Variants in NAALAD2 observed in about 807,000 individuals in gnomAD.
NAALAD2 encodes the protein N-acetylated-alpha-linked acidic dipeptidase 2.
Under a neutral mutation model 95.6 loss-of-function variants are expected in NAALAD2, and 89 were observed. The observed-to-expected ratio is 0.93, with a 90% CI of 0.78 to 1.11. The LOEUF (loss-of-function observed/expected upper bound fraction) is 1.11. Ranked by LOEUF, NAALAD2 falls within the 50% of genes least tolerant of loss-of-function variation. NAALAD2 has a pLI of 0.00. For missense variants in NAALAD2, 894 were observed against 872.4 expected (o/e 1.02, Z -0.31); for synonymous variants, 264 against 294.4 (o/e 0.90, Z 1.06).
At chr11:90,144,406 C>T (rs1213853587) in intron 2 of NAALAD2, among the ~76,000 whole-genome samples, 1 of 152,048 alleles carries the variant, frequency 6.6e-6, no homozygotes, top group Non-Finnish European at 1.5e-5. Flanking sequence ...GAAAATAAAA[C>T]AGCCGGCATG....
chr11:90,160,087 A>G lies in NAALAD2; in HGVS notation c.989+750A>G, dbSNP rs1038990072. Among the ~76,000 whole-genome samples the G allele has an allele frequency of 3.3e-5, 5 of 152,162 alleles. No homozygotes were observed. In the East Asian group the frequency reaches 9.6e-4, roughly 29 times the overall value. On this transcript the variant is annotated intron_variant, in intron 8 of 18. Transcript: ENST00000534061. ...TAAATGGGTAAATCACATAGTTACT[A>G]TAAGACTATAAGCCTCAATAGAATT...
intron 16 of NAALAD2, among the ~76,000 whole-genome samples, chr11:90,179,512 G>A (rs1952901218): frequency 6.6e-6 from 1 of 151,806 alleles, no homozygotes; most frequent in Non-Finnish European, 1.5e-5. Context: ...TACAGGATTA[G>A]TAATAATAGC....
chr11:90,189,190 G>T (rs1409814694), intron 18 of NAALAD2, among the ~76,000 whole-genome samples: 1 of 152,100 alleles, frequency 6.6e-6, no homozygotes, highest in Admixed American at 6.6e-5. Context: ...GCCTCTAGAA[G>T]CTAGAAAAGC....
intron 16 of NAALAD2, among the ~76,000 whole-genome samples, chr11:90,178,670 C>T (rs1024866954): frequency 8.8e-6 from 1 of 113,874 alleles, no homozygotes; most frequent in Non-Finnish European, 1.9e-5. Context: ...GGCTCCTTCT[C>T]AAAAAAAAAA....
At chr11:90,184,560 GTGT>G (rs1470450756) in intron 18 of NAALAD2, among the ~76,000 whole-genome samples, 20 of 152,032 alleles carry the variant, frequency 1.3e-4, no homozygotes, top group Admixed American at 2.6e-4. Flanking sequence ...GTCCTCTCAG[GTGT>G]TGTTATTAGT....
At chr11:90,142,385 C>T (rs2134836462) in intron 2 of NAALAD2, among the ~76,000 whole-genome samples, 1 of 152,158 alleles carries the variant, frequency 6.6e-6, no homozygotes, top group East Asian at 1.9e-4. Flanking sequence ...AACAGAATGA[C>T]CTTTTATTTT....
At chr11:90,135,024 T>A (rs1457328975) in intron 1 of NAALAD2, 184 bp downstream of exon 1, 3 of 603,744 alleles carry the variant, frequency 5.0e-6, no homozygotes, top group East Asian at 2.8e-5. Flanking sequence ...TTGGGCTTGC[T>A]AATAGATAAA....
intron 6 of NAALAD2, among the ~76,000 whole-genome samples, chr11:90,154,021 C>T (rs905577789): frequency 3.9e-5 from 5 of 126,994 alleles, no homozygotes; most frequent in Non-Finnish European, 8.2e-5. Flanking sequence ...AATCTACATG[C>T]CCTTCCTTCC....
intron 8 of NAALAD2, 65 bp from the exon 9 acceptor site, chr11:90,162,884 A>C: frequency 1.1e-6 from 1 of 920,488 alleles, no homozygotes; most frequent in Non-Finnish European, 1.7e-6. Flanking sequence ...ATAGTTTTTT[A>C]TAATAAAACA....
intron 2 of NAALAD2, among the ~76,000 whole-genome samples, chr11:90,142,285 A>G (rs1382019914): frequency 1.3e-5 from 2 of 152,056 alleles, no homozygotes; most frequent in East Asian, 3.9e-4. Context: ...GAAATTGTCT[A>G]TTTGTCCCAT....
At chr11:90,175,222 T>C (rs779825495) in intron 14 of NAALAD2, among the ~76,000 whole-genome samples, 1 of 152,174 alleles carries the variant, frequency 6.6e-6, no homozygotes, top group African/African-American at 2.4e-5. Context: ...TGTGGGTCCA[T>C]TATAAAACTT....
intron 2 of NAALAD2, among the ~76,000 whole-genome samples, chr11:90,140,530 C>T (rs1489858129): frequency 6.6e-6 from 1 of 150,944 alleles, no homozygotes; most frequent in Non-Finnish European, 1.5e-5. Flanking sequence ...AAAAATTTTC[C>T]AATATATTTA....
chr11:90,132,653 T>C (rs1427278066), upstream of NAALAD2, among the ~76,000 whole-genome samples: 2 of 152,216 alleles, frequency 1.3e-5, no homozygotes, highest in Admixed American at 1.3e-4. Context: ...ATGTCACACA[T>C]AAAAATAATT....
At chr11:90,147,150 C>A (rs1240751993) in intron 2 of NAALAD2, among the ~76,000 whole-genome samples, 180 bp from the exon 3 acceptor site, 2 of 152,104 alleles carry the variant, frequency 1.3e-5, no homozygotes, top group Non-Finnish European at 2.9e-5. Flanking sequence ...TGCAGTTGTA[C>A]ACAAATAACT....
intron 6 of NAALAD2, 121 bp from the exon 7 acceptor site, chr11:90,158,024 C>A (rs1952174638): frequency 2.6e-6 from 2 of 765,574 alleles, no homozygotes; most frequent in South Asian, 1.6e-5. Flanking sequence ...TGGCCAGGAA[C>A]TTTTAATTTT....
At chr11:90,137,022 C>T (rs1034452457) in intron 2 of NAALAD2, among the ~76,000 whole-genome samples, 1 of 152,024 alleles carries the variant, frequency 6.6e-6, no homozygotes, top group Non-Finnish European at 1.5e-5. Context: ...GATTATTACT[C>T]AGCATAAAAA....
In NAALAD2 at chr11:90,163,005, T is replaced by C. The variant is rs1490951132; in HGVS notation, c.1046T>C (p.Val349Ala). The change falls in exon 9 of 19, where the codon GTT (valine) becomes GCT (alanine). Residue 349 changes from valine to alanine, a missense_variant. Physicochemically the swap from Val to Ala is moderately conservative, Grantham distance 64 (BLOSUM62 0). Coordinates refer to ENST00000534061, the MANE Select transcript of NAALAD2 (RefSeq NM_005467.4). ...INKITRIYNVVGTIRGSVEPD... is the reference protein window; with the variant it reads ...INKITRIYNVAGTIRGSVEPD... Reference sequence around the variant, plus strand: ...AAAATTACAAGGATTTACAATGTAGTTGGAACTATCAGAGGATCTGTGGAA... The same window carrying C: ...AAAATTACAAGGATTTACAATGTAGCTGGAACTATCAGAGGATCTGTGGAA... 6.3e-7 allele frequency: 1 copy of C among 1,575,040 alleles called. No homozygotes were observed.
chr11:90,154,108 T>C (rs1174455206), intron 6 of NAALAD2, among the ~76,000 whole-genome samples: 1 of 151,852 alleles, frequency 6.6e-6, no homozygotes, highest in African/African-American at 2.4e-5. Context: ...TTTATTGTAC[T>C]GGCTAGACCC....
At chr11:90,160,477 G>C (rs1377144374) in intron 8 of NAALAD2, among the ~76,000 whole-genome samples, 3 of 152,126 alleles carry the variant, frequency 2.0e-5, no homozygotes, top group Non-Finnish European at 2.9e-5. Context: ...TTTAGTTTCT[G>C]TAGGATTTCT....
Sources: gnomAD v4.1 joint callset for allele counts (sites outside exome capture counted in the v4.1 genomes callset) on GRCh38, gnomAD v4.1.1 for gene constraint, MANE v1.5 for transcripts, NCBI Gene and HGNC (gene_info 2026-07-23, HGNC 2026-07-21) for gene names.